The following GPC5 variants were observed in gnomAD, a reference collection of about 807,000 sequenced individuals.
The protein encoded by GPC5 is glypican-5.
Under a neutral mutation model 53.9 loss-of-function variants are expected in GPC5, and 47 were observed. That is an observed-to-expected ratio of 0.87 (90% CI 0.69 to 1.11). The LOEUF (loss-of-function observed/expected upper bound fraction) is 1.11, where lower values mean the gene tolerates loss of function less well. GPC5 is among the 50% of genes most tolerant of loss of function. The pLI, the probability that GPC5 is intolerant of heterozygous loss-of-function variation, is 0.00. For synonymous variants in GPC5, 286 were observed against 263.3 expected, an observed-to-expected ratio of 1.09 and a Z score of -0.84; for missense variants, 748 against 713.1, an observed-to-expected ratio of 1.05 and a Z score of -0.56.
intron 2 of GPC5, among the ~76,000 whole-genome samples, chr13:91,635,652 T>C (rs2139448330): frequency 6.6e-6 from 1 of 152,264 alleles, no homozygotes; most frequent in South Asian, 2.1e-4. Flanking sequence ...GTGAAGGCTG[T>C]GGGGTAGAGT....
intron 7 of GPC5, among the ~76,000 whole-genome samples, chr13:92,407,721 C>A (rs909862659): frequency 3.3e-5 from 5 of 151,884 alleles, no homozygotes; most frequent in African/African-American, 4.8e-5. Flanking sequence ...AAACAAAATT[C>A]TTTTAAAGAC....
At chr13:91,480,355 A>T (rs1386844359) in intron 2 of GPC5, among the ~76,000 whole-genome samples, 1 of 152,270 alleles carries the variant, frequency 6.6e-6, no homozygotes, top group African/African-American at 2.4e-5. Flanking sequence ...TTCCCCTGCT[A>T]TGGGTTTCTT....
At chr13:91,426,719 C>T (rs1418150593) in intron 1 of GPC5, among the ~76,000 whole-genome samples, 1 of 152,192 alleles carries the variant, frequency 6.6e-6, no homozygotes, top group Non-Finnish European at 1.5e-5. Context: ...CTTCCATATT[C>T]CTCTGCCTGC....
chr13:91,906,517 T>C (rs2039554582), intron 5 of GPC5, among the ~76,000 whole-genome samples: 1 of 152,112 alleles, frequency 6.6e-6, no homozygotes, highest in African/African-American at 2.4e-5. Flanking sequence ...TTTATATTGC[T>C]GAAATCTATG....
intron 7 of GPC5, 67 bp downstream of exon 7, chr13:92,145,056 T>C: frequency 8.3e-7 from 1 of 1,201,574 alleles, no homozygotes; most frequent in Non-Finnish European, 1.1e-6. Flanking sequence ...AAGATATTGT[T>C]ATGGATGTAA....
intron 7 of GPC5, among the ~76,000 whole-genome samples, chr13:92,720,270 T>C (rs9561128): frequency 0.052 from 7,881 of 152,230 alleles, 594 homozygotes; most frequent in East Asian, 0.32. Context: ...CTTTAGTTTA[T>C]ATATTTATGT....
chr13:92,141,811 T>G (rs2041833412), intron 6 of GPC5, among the ~76,000 whole-genome samples: 1 of 152,136 alleles, frequency 6.6e-6, no homozygotes, highest in Non-Finnish European at 1.5e-5. Context: ...TCTAGGTTGT[T>G]GAGAGAACTC....
At chr13:92,425,871 G>A (rs1443945817) in intron 7 of GPC5, among the ~76,000 whole-genome samples, 1 of 151,946 alleles carries the variant, frequency 6.6e-6, no homozygotes, top group Non-Finnish European at 1.5e-5. Context: ...TCAAACACTA[G>A]CATGTTAGGC....
At chr13:92,489,025 G>A (rs1879662374) in intron 7 of GPC5, among the ~76,000 whole-genome samples, 1 of 152,094 alleles carries the variant, frequency 6.6e-6, no homozygotes, top group Non-Finnish European at 1.5e-5. Context: ...TAATATATCA[G>A]TTATTTTCTA....
intron 2 of GPC5, among the ~76,000 whole-genome samples, chr13:91,484,493 C>A (rs897301362): frequency 2.0e-5 from 3 of 152,078 alleles, no homozygotes; most frequent in Non-Finnish European, 4.4e-5. Context: ...CATCTAAATT[C>A]TGAGAAAGTT....
intron 7 of GPC5, among the ~76,000 whole-genome samples, chr13:92,594,614 C>T (rs1232054019): frequency 6.6e-6 from 1 of 152,156 alleles, no homozygotes; most frequent in Non-Finnish European, 1.5e-5. Context: ...ACCCTCTCGT[C>T]GTTGACACCA....
chr13:91,427,367 A>G (rs1287284702), intron 1 of GPC5, among the ~76,000 whole-genome samples: 1 of 152,126 alleles, frequency 6.6e-6, no homozygotes, highest in African/African-American at 2.4e-5. Flanking sequence ...ATGGGATCCC[A>G]CCTCTTGCAT....
intron 7 of GPC5, among the ~76,000 whole-genome samples, chr13:92,760,381 G>A (rs1272835887): frequency 6.6e-6 from 1 of 151,896 alleles, no homozygotes; most frequent in Non-Finnish European, 1.5e-5. Context: ...AGATTTATAT[G>A]TCTTCCTTAT....
At chr13:91,763,955 T>C (rs1452771222) in intron 5 of GPC5, among the ~76,000 whole-genome samples, 1 of 152,228 alleles carries the variant, frequency 6.6e-6, no homozygotes, top group Non-Finnish European at 1.5e-5. Flanking sequence ...CTAGACTAAA[T>C]ATAGTACCTA....
Position 92,857,318 on chromosome 13 carries a change from G to A in GPC5, c.1562-8964G>A, listed in dbSNP as rs151161915. 3.8e-3 allele frequency among the ~76,000 whole-genome samples: 578 copies of A among 151,984 alleles called. 4 individuals are homozygous for A. Among genetic ancestry groups the A allele is most frequent in the African/African-American group, 0.013 (534 of 41,488 alleles). On this transcript the variant is annotated intron_variant, in intron 7 of 7. Transcript: ENST00000377067. ...ATGTCACCATATACAAAAATTAACC[G>A]AAAATGGATTAAAGACCTAAATGTA...
chr13:91,506,063 A>G (rs1594181791), intron 2 of GPC5, among the ~76,000 whole-genome samples: 1 of 152,282 alleles, frequency 6.6e-6, no homozygotes, highest in East Asian at 1.9e-4. Context: ...AAAAATTCAG[A>G]GCAACTCCAT....
chr13:92,866,721 A>G lies in GPC5; in HGVS notation c.*282A>G. ...GTGAAGGGCACAGAAGTGACTTTGAATAAGAAGAATTTAGTGTATCTGTAA... is the reference window on the plus strand; with the variant it reads ...GTGAAGGGCACAGAAGTGACTTTGAGTAAGAAGAATTTAGTGTATCTGTAA... On this transcript the variant is annotated 3_prime_UTR_variant, in exon 8 of 8. Coordinates refer to ENST00000377067, the MANE Select transcript of GPC5 (RefSeq NM_004466.6). 9.0e-6 allele frequency: 2 copies of G among 221,916 alleles called. No individual in the cohort carries two copies. The highest frequency in any genetic ancestry group is 1.8e-4 in the South Asian group (1 of 5,580). The allele number at this position is 221,916 out of a possible 1,614,324, so 13.7% of individuals were successfully genotyped here.
intron 7 of GPC5, among the ~76,000 whole-genome samples, chr13:92,776,519 G>A (rs1327979804): frequency 6.6e-6 from 1 of 152,198 alleles, no homozygotes; most frequent in South Asian, 2.1e-4. Flanking sequence ...GAGATTCTGG[G>A]GATAAGGGTG....
chr13:92,203,666 ATAAAT>A lies in GPC5; in HGVS notation c.1561+58678_1561+58682del, dbSNP rs772105044. ...AAAATATATATATATAAAAAAATAA[ATAAAT>A]AAAACCAAAATAATCTCTAGCAATT... On this transcript the variant is annotated intron_variant, in intron 7 of 7. Transcript: ENST00000377067. Among the ~76,000 whole-genome samples, 154 of 145,860 alleles carry A rather than the reference ATAAAT, an allele frequency of 1.1e-3. 1 individual carries two copies. The highest frequency in any genetic ancestry group is 9.5e-3 in the South Asian group (42 of 4,404).
Sources: allele counts gnomAD v4.1 joint callset (sites outside exome capture counted in the v4.1 genomes callset), GRCh38; gene constraint gnomAD v4.1.1; transcripts MANE v1.5; gene names NCBI Gene and HGNC (gene_info 2026-07-23, HGNC 2026-07-21).